SUSD3: variants seen among roughly 807,000 people sequenced by gnomAD.
SUSD3 encodes the protein sushi domain containing 3, also known as sushi domain-containing protein 3.
SUSD3 carries 18 observed loss-of-function variants against 20.6 expected under a neutral mutation model. The ratio of observed to expected loss-of-function variants is 0.87; its 90% confidence interval spans 0.60 to 1.30. The LOEUF is 1.30. SUSD3 is among the 50% of genes most tolerant of loss of function. SUSD3 has a pLI of 0.00. For missense variants in SUSD3, 306 were observed against 346.9 expected (o/e 0.88, Z 0.94); for synonymous variants, 137 against 141.5 (o/e 0.97, Z 0.23).
chr9:93,065,751 A>T (rs373018330), intron 1 of SUSD3, among the ~76,000 whole-genome samples: 1 of 151,900 alleles, frequency 6.6e-6, no homozygotes, highest in Non-Finnish European at 1.5e-5. Flanking sequence ...GCTGATCACG[A>T]CTCTTGCCTG....
intron 3 of SUSD3, among the ~76,000 whole-genome samples, chr9:93,078,901 G>A (rs901973522): frequency 3.3e-5 from 5 of 151,794 alleles, no homozygotes; most frequent in African/African-American, 7.3e-5. Context: ...CTGGGATCAC[G>A]CCATTCTCCT....
At chr9:93,063,127 G>A (rs1307640152) in intron 1 of SUSD3, among the ~76,000 whole-genome samples, 1 of 152,186 alleles carries the variant, frequency 6.6e-6, no homozygotes, top group Non-Finnish European at 1.5e-5. Context: ...CTCAGGAAAG[G>A]AGTACAGGAG....
At chr9:93,070,519 G>A (rs1008192336) in intron 1 of SUSD3, among the ~76,000 whole-genome samples, 5 of 152,316 alleles carry the variant, frequency 3.3e-5, no homozygotes, top group African/African-American at 4.8e-5. Context: ...TGACCCTGGC[G>A]GAACCACAAA....
At chr9:93,074,669 G>A (rs1373760072) in intron 1 of SUSD3, among the ~76,000 whole-genome samples, 1 of 144,306 alleles carries the variant, frequency 6.9e-6, no homozygotes, top group African/African-American at 2.6e-5. Context: ...TGCCAGGCTG[G>A]AGTGCAGTGA....
In SUSD3 at chr9:93,077,955, C is replaced by T; in HGVS notation, c.387C>T (p.Leu129=). ...TGGCCTTCCTCACCTGCTGCCTCCT[C>T]AAGTGCGTGAAGAAGAGCAAGCGGC... The part of the protein sequence containing the change: ...MSMAFLTCCL[L]KCVKKSKRRR... The change falls in exon 3 of 5, where the codon CTC becomes CTT. Residue 129 remains leucine (L), a synonymous_variant. Transcript: ENST00000375472. The T allele has an allele frequency of 1.2e-5, 20 of 1,614,246 alleles. No individual in the cohort carries two copies. The highest frequency in any genetic ancestry group is 1.7e-5 in the Non-Finnish European group (20 of 1,180,046).
chr9:93,071,568 C>T (rs552245289), intron 1 of SUSD3, among the ~76,000 whole-genome samples: 2 of 152,298 alleles, frequency 1.3e-5, no homozygotes, highest in Admixed American at 1.3e-4. Context: ...CTGCTTCTCC[C>T]AGTCCACCGA....
intron 2 of SUSD3, among the ~76,000 whole-genome samples, chr9:93,076,949 T>C (rs1826190316): frequency 1.3e-5 from 2 of 152,256 alleles, no homozygotes; most frequent in Non-Finnish European, 2.9e-5. Context: ...GGGAAGGTTC[T>C]TAGAAGTTGC....
At chr9:93,073,066 C>G (rs917583284) in intron 1 of SUSD3, among the ~76,000 whole-genome samples, 1 of 151,976 alleles carries the variant, frequency 6.6e-6, no homozygotes, top group Non-Finnish European at 1.5e-5. Flanking sequence ...TGGGGTCCCT[C>G]AGACTCTGCA....
rs138070314 is a variant in SUSD3 at position 93,066,382 on chromosome 9, C to T, written c.88+7552C>T. Among the ~76,000 whole-genome samples the T allele has an allele frequency of 1.9e-3, 293 of 152,188 alleles. 7 individuals carry two copies. The East Asian group carries it at 0.044, about 23-fold the overall frequency. On this transcript the variant is annotated intron_variant, in intron 1 of 4. Coordinates refer to ENST00000375472, the MANE Select transcript of SUSD3 (RefSeq NM_145006.4). ...TTGAGTAGCTGGAACTACAGGCGCA[C>T]GCCACCACGCCCAGCTAATTTTTGT...
At chr9:93,075,521 T>C (rs57491667) in intron 1 of SUSD3, among the ~76,000 whole-genome samples, 13,212 of 151,178 alleles carry the variant, frequency 0.087, 1,654 homozygotes, top group African/African-American at 0.28. Context: ...TTGCTTTTAT[T>C]GTCTTCTAAC....
chr9:93,076,682 G>A (rs1826182002), intron 2 of SUSD3, among the ~76,000 whole-genome samples: 1 of 152,234 alleles, frequency 6.6e-6, no homozygotes, highest in Non-Finnish European at 1.5e-5. Flanking sequence ...GTGATTCTCT[G>A]AGGATGCGAG....
chr9:93,062,023 G>C (rs1825526282), intron 1 of SUSD3, among the ~76,000 whole-genome samples: 1 of 152,254 alleles, frequency 6.6e-6, no homozygotes, highest in Admixed American at 6.5e-5. Flanking sequence ...GAGGTCCAAG[G>C]TTCCAGATAA....
At chr9:93,083,167 C>T (rs933844422) in intron 4 of SUSD3, among the ~76,000 whole-genome samples, 1 of 152,174 alleles carries the variant, frequency 6.6e-6, no homozygotes, top group African/African-American at 2.4e-5. Flanking sequence ...GCTCAAGAGG[C>T]AGGAAGTGGT....
chr9:93,069,260 C>T (rs1195790331), intron 1 of SUSD3: 4 of 631,660 alleles, frequency 6.3e-6, no homozygotes, highest in African/African-American at 5.4e-5. Flanking sequence ...GGTTATCAGA[C>T]CCCCTGATAC....
In SUSD3 at chr9:93,075,811, C is replaced by G. The variant is rs375951067; in HGVS notation, c.116C>G (p.Pro39Arg). The part of the protein sequence containing the change: ...TGTCAKLRLP[P>R]QATFQVLRGN... Reference sequence around the variant, plus strand: ...ACGTGCGCTAAGCTGCGGCTACCCCCGCAAGCAACCTTCCAAGTCCTTCGT... The same window carrying G: ...ACGTGCGCTAAGCTGCGGCTACCCCGGCAAGCAACCTTCCAAGTCCTTCGT... Residue 39 changes from proline to arginine, a missense_variant, in exon 2 of 5, where the codon CCG (proline) becomes CGG (arginine). Transcript: ENST00000375472. 1.9e-6 allele frequency: 3 copies of G among 1,612,522 alleles called. No homozygotes were observed. Among genetic ancestry groups the G allele is most frequent in the South Asian group, 1.1e-5 (1 of 91,010 alleles).
chr9:93,081,677 A>G (rs1007828371), intron 4 of SUSD3, among the ~76,000 whole-genome samples: 4 of 152,196 alleles, frequency 2.6e-5, no homozygotes, highest in Admixed American at 2.6e-4. Flanking sequence ...GAAGGAATTC[A>G]CCTTTCTGTC....
At chr9:93,061,030 C>T (rs770841222) in intron 1 of SUSD3, among the ~76,000 whole-genome samples, 6 of 152,288 alleles carry the variant, frequency 3.9e-5, no homozygotes, top group South Asian at 2.1e-4. Flanking sequence ...GGGCAGGGCG[C>T]GGGGGAGACT....
intron 1 of SUSD3, among the ~76,000 whole-genome samples, chr9:93,064,860 C>G (rs955744748): frequency 6.6e-6 from 1 of 152,186 alleles, no homozygotes; most frequent in Non-Finnish European, 1.5e-5. Context: ...CTGGAAAGGC[C>G]GGGCCTACCC....
intron 4 of SUSD3, among the ~76,000 whole-genome samples, 195 bp from the exon 5 acceptor site, chr9:93,084,342 C>T (rs925966688): frequency 2.6e-5 from 4 of 151,508 alleles, no homozygotes; most frequent in African/African-American, 7.3e-5. Context: ...CAACAGGGCC[C>T]GGCAGGGAGA....
Sources: allele counts gnomAD v4.1 joint callset (sites outside exome capture counted in the v4.1 genomes callset), GRCh38; gene constraint gnomAD v4.1.1; transcripts MANE v1.5; gene names NCBI Gene and HGNC (gene_info 2026-07-23, HGNC 2026-07-21).